Variants in ACOT13 observed in about 807,000 individuals in gnomAD.
ACOT13 encodes the protein acyl-CoA thioesterase 13, also known as acyl-coenzyme A thioesterase 13.
Under a neutral mutation model 11.8 loss-of-function variants are expected in ACOT13, and 10 were observed. The observed-to-expected ratio is 0.85, with a 90% CI of 0.53 to 1.44. The LOEUF is 1.44. Ranked by LOEUF, ACOT13 falls within the 40% of genes most tolerant of loss-of-function variation. The pLI is 0.00. For synonymous variants in ACOT13, 53 were observed against 61.0 expected (o/e 0.87, Z 0.61); for missense variants, 172 against 174.1 (o/e 0.99, Z 0.07).
At chr6:24,675,208 T>C (rs1778434033) in intron 1 of ACOT13, among the ~76,000 whole-genome samples, 1 of 152,224 alleles carries the variant, frequency 6.6e-6, no homozygotes, top group Admixed American at 6.5e-5. Flanking sequence ...GCATGTGTCT[T>C]TACAGCAGCA....
chr6:24,688,104 A>G lies in ACOT13; in HGVS notation c.82-9779A>G, dbSNP rs563385406. 1.1e-4 allele frequency among the ~76,000 whole-genome samples: 17 copies of G among 152,296 alleles called. No individual in the cohort carries two copies. In the South Asian group the frequency reaches 3.5e-3, roughly 32 times the overall value. On this transcript the variant is annotated intron_variant, in intron 1 of 2. Transcript: ENST00000230048. ...GCAGTGATATTCAAAATTGATCAAC[A>G]TGATACACAAATAGATATTTTCAAG...
At position 24,701,528 on chromosome 6, in the gene ACOT13, A is replaced by C; in HGVS notation, c.336A>C (p.Thr112=). 1 of 1,614,094 alleles carries C rather than the reference A, an allele frequency of 6.2e-7. No individual in the cohort carries two copies. Among genetic ancestry groups the C allele is most frequent in the Non-Finnish European group, 8.5e-7 (1 of 1,179,958 alleles). Residue 112 remains threonine, a synonymous_variant, in exon 3 of 3, where the codon ACA becomes ACC. Coordinates refer to ENST00000230048, the MANE Select transcript of ACOT13 (RefSeq NM_018473.4). ...ITAHVLKQGK[T]LAFTSVDLTN... is the part of the protein sequence containing the mutation. The stretch of plus-strand genomic sequence containing the variant: ...CACATGTTCTGAAGCAAGGAAAAAC[A>C]CTTGCATTTACCTCTGTGGATCTGA...
At chr6:24,691,897 A>G (rs990344217) in intron 1 of ACOT13, among the ~76,000 whole-genome samples, 8 of 152,236 alleles carry the variant, frequency 5.3e-5, no homozygotes, top group African/African-American at 1.9e-4. Flanking sequence ...ACATAAAGTC[A>G]AGGATCATGC....
In ACOT13 at chr6:24,704,084, T is replaced by TA. The variant is rs758008612; in HGVS notation, c.*2472dup. 1 of 152,102 alleles carries TA rather than the reference T, an allele frequency of 6.6e-6. No homozygotes were observed. Among genetic ancestry groups the TA allele is most frequent in the Non-Finnish European group, 1.5e-5 (1 of 68,030 alleles). 9.4% of individuals were successfully genotyped at this position (152,102 alleles called of 1,614,324 possible). A position where few individuals can be genotyped will look rare whatever the true frequency, so the allele number is the denominator to read the frequency against. On this transcript the variant is annotated 3_prime_UTR_variant, in exon 3 of 3. Transcript: ENST00000230048. ...GGGACAACAAAACGAATATGGATGA[T>TA]AAAGAGTATCAACATTCCCTGAGTT...
In ACOT13 at chr6:24,673,402, C is replaced by T. The variant is rs568252646; in HGVS notation, c.81+6058C>T. Among the ~76,000 whole-genome samples, 7 of 152,080 alleles carry T rather than the reference C, an allele frequency of 4.6e-5. No individual in the cohort carries two copies. The South Asian group carries it at 1.5e-3, about 32-fold the overall frequency. On this transcript the variant is annotated intron_variant, in intron 1 of 2. Transcript: ENST00000230048. ...TTGAAATAGAGTCTCGCACTGTTGC[C>T]CAGTTTGGAGTGCACTGGTGCAATC...
At chr6:24,675,017 T>C (rs1459325189) in intron 1 of ACOT13, among the ~76,000 whole-genome samples, 1 of 151,930 alleles carries the variant, frequency 6.6e-6, no homozygotes, top group Non-Finnish European at 1.5e-5. Context: ...TTGCTGAGAA[T>C]GATGGTTTCC....
At chr6:24,687,054 C>T (rs539400427) in intron 1 of ACOT13, among the ~76,000 whole-genome samples, 4 of 152,274 alleles carry the variant, frequency 2.6e-5, no homozygotes, top group Non-Finnish European at 5.9e-5. Context: ...ACAGGAGATT[C>T]GGAGGAGACA....
chr6:24,703,826 T>C lies in ACOT13; in HGVS notation c.*2211T>C, dbSNP rs1023034826. 1 of 152,120 alleles carries C rather than the reference T, an allele frequency of 6.6e-6. No individual in the cohort carries two copies. The highest frequency in any genetic ancestry group is 1.5e-5 in the Non-Finnish European group (1 of 68,024). 9.4% of individuals were successfully genotyped at this position (152,120 alleles called of 1,614,324 possible). ...ACCAGGCGCTCAAAAGTAACATCAA[T>C]GAAGAGCAGATGGAGAGTATACTTG... On this transcript the variant is annotated 3_prime_UTR_variant, in exon 3 of 3. Transcript: ENST00000230048.
chr6:24,670,718 G>C (rs1778346787), intron 1 of ACOT13, among the ~76,000 whole-genome samples: 1 of 152,212 alleles, frequency 6.6e-6, no homozygotes, highest in Non-Finnish European at 1.5e-5. Flanking sequence ...GTTGATTGGA[G>C]TATACTAAAT....
At chr6:24,692,327 G>A (rs1364987486) in intron 1 of ACOT13, among the ~76,000 whole-genome samples, 1 of 152,132 alleles carries the variant, frequency 6.6e-6, no homozygotes, top group East Asian at 1.9e-4. Flanking sequence ...AGTTGACCTC[G>A]GCAATAGAAA....
intron 1 of ACOT13, among the ~76,000 whole-genome samples, chr6:24,671,491 C>G (rs552823431): frequency 2.0e-5 from 3 of 152,074 alleles, no homozygotes; most frequent in South Asian, 4.2e-4. Context: ...AGGGATAGCA[C>G]TAGGAGAAAT....
intron 1 of ACOT13, among the ~76,000 whole-genome samples, chr6:24,674,186 C>T (rs909507544): frequency 1.3e-5 from 2 of 152,026 alleles, no homozygotes; most frequent in African/African-American, 2.4e-5. Flanking sequence ...CTCAGCCTCT[C>T]GAGTCGCTGG....
At chr6:24,685,848 G>T (rs1294761945) in intron 1 of ACOT13, among the ~76,000 whole-genome samples, 2 of 152,124 alleles carry the variant, frequency 1.3e-5, no homozygotes, top group Non-Finnish European at 2.9e-5. Context: ...AAAAAAGTAT[G>T]CAGTCCAAAT....
chr6:24,686,972 C>T (rs1053644423), intron 1 of ACOT13, among the ~76,000 whole-genome samples: 1 of 152,214 alleles, frequency 6.6e-6, no homozygotes, highest in Non-Finnish European at 1.5e-5. Flanking sequence ...CCAAACCATT[C>T]GTGAGAAATC....
intron 1 of ACOT13, among the ~76,000 whole-genome samples, chr6:24,685,332 C>CCTT (rs1778611804): frequency 2.6e-5 from 3 of 116,784 alleles, no homozygotes; most frequent in Admixed American, 9.0e-5. Context: ...TTTTACTGTA[C>CCTT]TTTTTTTTTT....
chr6:24,697,254 G>GCTA (rs1466870079), intron 1 of ACOT13, among the ~76,000 whole-genome samples: 1 of 152,036 alleles, frequency 6.6e-6, no homozygotes, highest in Non-Finnish European at 1.5e-5. Flanking sequence ...TTTTTTAAAT[G>GCTA]CTAGTAACTC....
rs1778949932 is a variant in ACOT13, at chr6:24,704,215, C to G, written c.*2600C>G. The G allele has an allele frequency of 6.6e-6, 1 of 151,958 alleles. No individual in the cohort carries two copies. The highest frequency in any genetic ancestry group is 2.4e-5 in the African/African-American group (1 of 41,384). 9.4% of individuals were successfully genotyped at this position (151,958 alleles called of 1,614,324 possible). On this transcript the variant is annotated 3_prime_UTR_variant, in exon 3 of 3. Transcript: ENST00000230048. ...CAAAGTGTGCAACAAACTCAAATAGCTCACAGGTATAAGTGTACAGAGAAA... is the reference window on the plus strand; with the variant it reads ...CAAAGTGTGCAACAAACTCAAATAGGTCACAGGTATAAGTGTACAGAGAAA...
At chr6:24,698,152 A>G in intron 2 of ACOT13, 85 bp downstream of exon 2, 2 of 1,196,322 alleles carry the variant, frequency 1.7e-6, no homozygotes, top group East Asian at 5.8e-5. Flanking sequence ...ATTATTAGTA[A>G]CGCATGAGAT....
At position 24,667,096 on chromosome 6, in the gene ACOT13, A is replaced by C; in HGVS notation, c.-168A>C. 3.5e-6 allele frequency: 3 copies of C among 848,606 alleles called. No homozygotes were observed. Among genetic ancestry groups the C allele is most frequent in the Non-Finnish European group, 5.4e-6 (3 of 557,070 alleles). 52.6% of individuals were successfully genotyped at this position (848,606 alleles called of 1,614,324 possible). The stretch of plus-strand genomic sequence containing the variant: ...AAAGTCAGTGAGCAAATCGCGGACC[A>C]CCGGGGCTGCCAGCTCGCCTGACTC... On this transcript the variant is annotated 5_prime_UTR_variant, in exon 1 of 3. Transcript: ENST00000230048.
Sources: gnomAD v4.1 joint callset for allele counts (sites outside exome capture counted in the v4.1 genomes callset) on GRCh38, gnomAD v4.1.1 for gene constraint, MANE v1.5 for transcripts, NCBI Gene and HGNC (gene_info 2026-07-23, HGNC 2026-07-21) for gene names.